Variants in TDP1 observed in about 807,000 individuals in gnomAD.
TDP1 encodes the protein tyr-DNA phosphodiesterase 1.
In TDP1, 64 loss-of-function variants were observed where a neutral mutation model predicts 81.5. That is an observed-to-expected ratio of 0.79 (90% CI 0.64 to 0.97). TDP1 has a LOEUF of 0.97. Ranked by LOEUF, TDP1 falls within the 50% of genes least tolerant of loss-of-function variation. The pLI is 0.00. For synonymous variants in TDP1, 256 were observed against 264.3 expected (o/e 0.97, Z 0.30); for missense variants, 723 against 743.8 (o/e 0.97, Z 0.33).
At chr14:89,976,838 A>G (rs1894397627) in intron 7 of TDP1, among the ~76,000 whole-genome samples, 1 of 151,970 alleles carries the variant, frequency 6.6e-6, no homozygotes, top group Non-Finnish European at 1.5e-5. Flanking sequence ...TGCCTGGCCA[A>G]GAGCTCTTAA....
intron 15 of TDP1, among the ~76,000 whole-genome samples, chr14:90,026,377 C>T (rs201343769): frequency 9.7e-4 from 148 of 152,362 alleles, no homozygotes; most frequent in African/African-American, 3.3e-3. Flanking sequence ...TCGCATCCAG[C>T]GAATAAAGCC....
At chr14:90,017,897 A>G (rs1309087761) in intron 14 of TDP1, among the ~76,000 whole-genome samples, 1 of 152,198 alleles carries the variant, frequency 6.6e-6, no homozygotes, top group Non-Finnish European at 1.5e-5. Context: ...AGTGATGTTC[A>G]TGATTGTGGT....
rs148691948 is a variant in TDP1 at position 89,963,236 on chromosome 14, C to T, written c.122C>T (p.Ala41Val). The change falls in exon 3 of 17, where the codon GCA becomes GTA. Residue 41 changes from alanine to valine, a missense_variant. Physicochemically the swap from Ala to Val is moderately conservative, Grantham distance 64. Transcript: ENST00000335725. ...SSLLCARQGA[A>V]NEPRYTCSEA... ...CTTCTCTGTGCCAGGCAAGGAGCAGCAAATGAGCCCAGGTACACCTGTTCC... is the reference window on the plus strand; with the variant it reads ...CTTCTCTGTGCCAGGCAAGGAGCAGTAAATGAGCCCAGGTACACCTGTTCC... 10 of 1,614,024 alleles carry T rather than the reference C, an allele frequency of 6.2e-6. No individual in the cohort carries two copies. Among genetic ancestry groups the T allele is most frequent in the Non-Finnish European group, 8.5e-6 (10 of 1,180,032 alleles).
chr14:89,983,279 A>G (rs552619973), intron 8 of TDP1: 13 of 375,278 alleles, frequency 3.5e-5, no homozygotes, highest in Non-Finnish European at 5.2e-5. Context: ...CCAAAATGGT[A>G]TAGTCAGCTA....
chr14:90,009,664 A>G (rs35920275), intron 14 of TDP1, among the ~76,000 whole-genome samples: 1 of 152,250 alleles, frequency 6.6e-6, no homozygotes, highest in Non-Finnish European at 1.5e-5. Flanking sequence ...AGACATAAAG[A>G]TTATTAAGGA....
chr14:90,005,114 A>G (rs1168729257), intron 14 of TDP1, among the ~76,000 whole-genome samples: 1 of 152,196 alleles, frequency 6.6e-6, no homozygotes, highest in Non-Finnish European at 1.5e-5. Context: ...CTGACCATAT[A>G]TTGGACTATT....
At chr14:90,021,578 A>G (rs887926274) in intron 15 of TDP1, among the ~76,000 whole-genome samples, 1 of 152,176 alleles carries the variant, frequency 6.6e-6, no homozygotes, top group Admixed American at 6.5e-5. Flanking sequence ...TTTACCCCAG[A>G]TATTCTTTCT....
chr14:89,989,642 C>T lies in TDP1; in HGVS notation c.1318-75C>T, dbSNP rs34725651. ...AAGTATTTTTAACAGATTTTCATTT[C>T]CTTAAAAGCTGATTATCATTCCTTT... On this transcript the variant is annotated intron_variant, in intron 11 of 16. Transcript: ENST00000335725. 1.3e-3 allele frequency: 1,722 copies of T among 1,287,926 alleles called. 17 individuals are homozygous for T. In the African/African-American group the frequency reaches 0.022, roughly 17 times the overall value. 79.8% of individuals were successfully genotyped at this position (1,287,926 alleles called of 1,614,324 possible).
intron 6 of TDP1, among the ~76,000 whole-genome samples, 156 bp downstream of exon 6, chr14:89,971,427 A>G (rs986500228): frequency 3.3e-5 from 5 of 152,200 alleles, no homozygotes; most frequent in African/African-American, 9.7e-5. Context: ...TTCCTGAGAT[A>G]GAGCATCCCA....
chr14:89,985,204 T>C lies in TDP1; in HGVS notation c.1125T>C (p.Leu375=). 2 of 1,600,018 alleles carry C rather than the reference T, an allele frequency of 1.2e-6. No individual in the cohort carries two copies. The highest frequency in any genetic ancestry group is 2.2e-5 in the East Asian group (1 of 44,610). ...AAGATAATTGGGGACATTTTAGACT[T>C]AAGAAGGTAACAGAACTTTTACTAT... ...SQKDNWGHFR[L]KKLLKDHASS... is the part of the protein sequence containing the mutation. Residue 375 remains leucine, a synonymous_variant, in exon 10 of 17, where the codon CTT becomes CTC. Transcript: ENST00000335725.
intron 14 of TDP1, among the ~76,000 whole-genome samples, chr14:90,014,993 C>CA (rs1249882421): frequency 6.6e-5 from 10 of 152,176 alleles, no homozygotes; most frequent in Admixed American, 6.5e-4. Flanking sequence ...CAGTGAAACT[C>CA]AGAGATTTTA....
At position 89,999,811 on chromosome 14, in the gene TDP1, A is replaced by G. The variant is rs73326496; in HGVS notation, c.1541+6328A>G. Among the ~76,000 whole-genome samples the G allele has an allele frequency of 6.0e-3, 909 of 152,366 alleles. 6 individuals carry two copies. The highest frequency in any genetic ancestry group is 0.021 in the African/African-American group (872 of 41,582). ...CCAAGTTCTTTCAAAATAAGTTGAC[A>G]TGACACATTAACAAATAAGTATTGT... On this transcript the variant is annotated intron_variant, in intron 14 of 16. Transcript: ENST00000335725.
intron 7 of TDP1, among the ~76,000 whole-genome samples, chr14:89,977,174 T>C (rs1894435730): frequency 6.6e-6 from 1 of 152,144 alleles, no homozygotes; most frequent in Non-Finnish European, 1.5e-5. Flanking sequence ...AGAAAATGCC[T>C]AGGAAAGTAA....
chr14:89,991,760 A>G (rs561159665), intron 12 of TDP1, 157 bp from the exon 13 acceptor site: 22 of 764,966 alleles, frequency 2.9e-5, no homozygotes, highest in Admixed American at 2.5e-4. Context: ...TAGTGCAACT[A>G]TAGACATTTT....
At chr14:89,971,693 C>T (rs1368947729) in intron 6 of TDP1, among the ~76,000 whole-genome samples, 2 of 152,162 alleles carry the variant, frequency 1.3e-5, no homozygotes, top group African/African-American at 4.8e-5. Flanking sequence ...TTTCCGCAAC[C>T]TGCTAGTGCT....
Position 89,998,370 on chromosome 14 carries a change from CATTATATA to C in TDP1, c.1541+4888_1541+4895del, listed in dbSNP as rs1289827013. ...GCAGTTCCAGGCACAGTTCCAAGCA[CATTATATA>C]TATATATATATATATATATATATAT... On this transcript the variant is annotated intron_variant, in intron 14 of 16. Coordinates refer to ENST00000335725, the MANE Select transcript of TDP1 (RefSeq NM_018319.4). 1.7e-3 allele frequency among the ~76,000 whole-genome samples: 165 copies of C among 98,286 alleles called. 4 individuals carry two copies. The highest frequency in any genetic ancestry group is 2.9e-3 in the Admixed American group (26 of 8,948). 64.5% of individuals were successfully genotyped at this position (98,286 alleles called of 152,430 possible). A position where few individuals can be genotyped will look rare whatever the true frequency, so the allele number is the denominator to read the frequency against.
At position 89,975,369 on chromosome 14, in the gene TDP1, C is replaced by G. The variant is rs978295472; in HGVS notation, c.757-412C>G. The G allele has an allele frequency of 6.1e-6, 6 of 984,350 alleles. No individual in the cohort carries two copies. The East Asian group carries it at 3.4e-4, about 56-fold the overall frequency. 61.0% of individuals were successfully genotyped at this position (984,350 alleles called of 1,614,324 possible). A position where few individuals can be genotyped will look rare whatever the true frequency, so the allele number is the denominator to read the frequency against. On this transcript the variant is annotated intron_variant, in intron 6 of 16. Transcript: ENST00000335725. ...GGGATTACAGGCGTGAGCCACCGCA[C>G]CTGGCCTTCAGTGTTTCTTTTAAAT...
chr14:89,997,962 T>G (rs945908500), intron 14 of TDP1, among the ~76,000 whole-genome samples: 35 of 152,146 alleles, frequency 2.3e-4, no homozygotes, highest in African/African-American at 8.5e-4. Flanking sequence ...TGCTGGGAAT[T>G]ACACAAAAAG....
intron 6 of TDP1, among the ~76,000 whole-genome samples, chr14:89,973,716 GT>G (rs1439405030): frequency 6.6e-6 from 1 of 152,062 alleles, no homozygotes; most frequent in Non-Finnish European, 1.5e-5. Flanking sequence ...GGCTCTACGT[GT>G]GTGTATTAGT....
Sources: gnomAD v4.1 joint callset for allele counts (sites outside exome capture counted in the v4.1 genomes callset) on GRCh38, gnomAD v4.1.1 for gene constraint, MANE v1.5 for transcripts, NCBI Gene and HGNC (gene_info 2026-07-23, HGNC 2026-07-21) for gene names.